The following IL1RAPL2 variants were observed in gnomAD, a reference collection of about 807,000 sequenced individuals.
The protein encoded by IL1RAPL2 is X-linked interleukin-1 receptor accessory protein-like 2.
IL1RAPL2 carries 3 observed loss-of-function variants against 44.1 expected under a neutral mutation model. That is an observed-to-expected ratio of 0.07 (90% CI 0.03 to 0.18). The LOEUF is 0.18. Among genes scored for constraint, IL1RAPL2 ranks in the 10% least tolerant of loss-of-function variants. The pLI, the probability that IL1RAPL2 is intolerant of heterozygous loss-of-function variation, is 1.00. For synonymous variants in IL1RAPL2, 181 were observed against 178.8 expected (o/e 1.01, Z -0.10); for missense variants, 391 against 496.4 (o/e 0.79, Z 2.02).
intron 6 of IL1RAPL2, among the ~76,000 whole-genome samples, chrX:105,625,230 G>T (rs2037444990): frequency 8.9e-6 from 1 of 112,068 alleles, no homozygotes; most frequent in African/African-American, 3.2e-5. Context: ...AACACATGCA[G>T]ACATTCATTC....
intron 6 of IL1RAPL2, among the ~76,000 whole-genome samples, chrX:105,697,511 T>A (rs2038086500): frequency 9.1e-6 from 1 of 110,339 alleles, no homozygotes; most frequent in Non-Finnish European, 1.9e-5. Flanking sequence ...CGGAGAGAGA[T>A]TGATTGACCC....
chrX:105,695,792 AGT>A (rs2038071967), intron 6 of IL1RAPL2, among the ~76,000 whole-genome samples: 1 of 112,030 alleles, frequency 8.9e-6, no homozygotes, highest in South Asian at 3.7e-4. Flanking sequence ...GAATAGAATA[AGT>A]GTCTTGACCA....
chrX:105,398,751 A>G (rs1321502812), intron 5 of IL1RAPL2, among the ~76,000 whole-genome samples: 1 of 111,629 alleles, frequency 9.0e-6, no homozygotes, highest in African/African-American at 3.3e-5. Flanking sequence ...AAAAAATGCT[A>G]TTTCCTTTTC....
At chrX:105,285,255 A>G (rs942210958) in intron 5 of IL1RAPL2, among the ~76,000 whole-genome samples, 3 of 112,216 alleles carry the variant, frequency 2.7e-5, no homozygotes, top group African/African-American at 9.7e-5. Context: ...AGTTAAATGT[A>G]ATCACACCAA....
At chrX:105,733,965 T>C (rs2038426065) in intron 7 of IL1RAPL2, among the ~76,000 whole-genome samples, 1 of 111,582 alleles carries the variant, frequency 9.0e-6, no homozygotes, top group Non-Finnish European at 1.9e-5. Flanking sequence ...AGGCTTTTAA[T>C]GTGAGATTTT....
intron 5 of IL1RAPL2, among the ~76,000 whole-genome samples, chrX:105,395,235 T>C (rs922781854): frequency 1.8e-5 from 2 of 110,702 alleles, no homozygotes; most frequent in South Asian, 7.7e-4. Context: ...TAAATATATA[T>C]ATAGGCTTTA....
At chrX:104,875,628 C>G (rs750675927) in intron 2 of IL1RAPL2, among the ~76,000 whole-genome samples, 2 of 111,375 alleles carry the variant, frequency 1.8e-5, no homozygotes, top group Non-Finnish European at 3.8e-5. Flanking sequence ...CTTTTCCCCC[C>G]ACAGATATAT....
At chrX:104,884,576 G>A (rs1158578568) in intron 2 of IL1RAPL2, among the ~76,000 whole-genome samples, 1 of 88,492 alleles carries the variant, frequency 1.1e-5, no homozygotes, top group Non-Finnish European at 2.6e-5. Context: ...AAAAAGAGGT[G>A]GCTCATTTTT....
At position 104,566,871 on chromosome X, in the gene IL1RAPL2, G is replaced by T. The variant is rs1166895448; in HGVS notation, c.-200G>T. 1 of 112,573 alleles carries T rather than the reference G, an allele frequency of 8.9e-6. No homozygotes were observed. The allele number at this position is 112,573 out of a possible 1,213,427, so 9.3% of individuals were successfully genotyped here. Reference sequence around the variant, plus strand: ...AAGACAGGGAGTGGAAAAAACAGGCGGGGCTGTACTGTCCGCTGTTTGGGG... The same window carrying T: ...AAGACAGGGAGTGGAAAAAACAGGCTGGGCTGTACTGTCCGCTGTTTGGGG... On this transcript the variant is annotated 5_prime_UTR_variant, in exon 1 of 11. Transcript: ENST00000372582.
At chrX:105,007,533 A>C (rs2030964453) in intron 2 of IL1RAPL2, among the ~76,000 whole-genome samples, 1 of 111,510 alleles carries the variant, frequency 9.0e-6, no homozygotes, top group Admixed American at 9.5e-5. Context: ...CTAGTGATAT[A>C]AATAGGATTT....
chrX:105,675,422 G>A (rs1387258623), intron 6 of IL1RAPL2, among the ~76,000 whole-genome samples: 2 of 111,388 alleles, frequency 1.8e-5, no homozygotes, highest in Admixed American at 9.6e-5. Flanking sequence ...AGATAATCAT[G>A]TGGTTTTTGT....
chrX:104,624,441 T>C (rs1851898053), intron 1 of IL1RAPL2, among the ~76,000 whole-genome samples: 1 of 111,279 alleles, frequency 9.0e-6, no homozygotes, highest in Non-Finnish European at 1.9e-5. Flanking sequence ...ATACAAGTAG[T>C]CAATAAATAT....
intron 4 of IL1RAPL2, among the ~76,000 whole-genome samples, chrX:105,259,181 G>C (rs1214363736): frequency 2.7e-5 from 3 of 111,831 alleles, no homozygotes; most frequent in African/African-American, 3.3e-5. Flanking sequence ...GTTTCAGAGG[G>C]GGGGTATGTT....
intron 5 of IL1RAPL2, among the ~76,000 whole-genome samples, chrX:105,329,141 A>G (rs997852669): frequency 3.6e-5 from 4 of 112,348 alleles, no homozygotes; most frequent in African/African-American, 1.3e-4. Context: ...AAGTTCATTA[A>G]TCAACAGAAC....
intron 5 of IL1RAPL2, among the ~76,000 whole-genome samples, chrX:105,326,709 G>A (rs1336599552): frequency 1.8e-5 from 2 of 110,928 alleles, no homozygotes; most frequent in African/African-American, 6.6e-5. Flanking sequence ...ATAAATGTAG[G>A]GTTTTTTTTA....
chrX:105,475,253 C>T (rs752253918), intron 5 of IL1RAPL2, among the ~76,000 whole-genome samples: 6 of 111,143 alleles, frequency 5.4e-5, no homozygotes, highest in Non-Finnish European at 1.1e-4. Flanking sequence ...GAGTACATTC[C>T]TCCTTTTCTG....
chrX:105,435,911 G>A (rs1158748870), intron 5 of IL1RAPL2, among the ~76,000 whole-genome samples: 1 of 111,270 alleles, frequency 9.0e-6, no homozygotes, highest in Non-Finnish European at 1.9e-5. Flanking sequence ...CAAGGGCAGA[G>A]AGAGCATCAG....
At chrX:104,804,150 T>C in intron 2 of IL1RAPL2, 1 of 113,938 alleles carries the variant, frequency 8.8e-6, no homozygotes, top group Non-Finnish European at 1.9e-5. Context: ...AACTTCAGCT[T>C]GTGGCTGCAC....
chrX:105,670,145 A>ATATC (rs1370012273), intron 6 of IL1RAPL2, among the ~76,000 whole-genome samples: 1 of 40,252 alleles, frequency 2.5e-5, no homozygotes, highest in Non-Finnish European at 5.4e-5. Flanking sequence ...ATATATATAT[A>ATATC]TATCTCCACC....
Sources: allele counts gnomAD v4.1 joint callset (sites outside exome capture counted in the v4.1 genomes callset), GRCh38; gene constraint gnomAD v4.1.1; transcripts MANE v1.5; gene names NCBI Gene and HGNC (gene_info 2026-07-23, HGNC 2026-07-21).